Variants in LHX9 observed in about 807,000 individuals in gnomAD.
LHX9 encodes the protein LIM homeobox 9.
LHX9 carries 9 observed loss-of-function variants against 36.5 expected under a neutral mutation model. The ratio of observed to expected loss-of-function variants is 0.25; its 90% confidence interval spans 0.15 to 0.43. LHX9 has a LOEUF of 0.43. Among genes scored for constraint, LHX9 ranks in the 20% least tolerant of loss-of-function variants. LHX9 has a pLI of 1.00. For synonymous variants in LHX9, 211 were observed against 212.1 expected (o/e 0.99, Z 0.04); for missense variants, 464 against 526.4 (o/e 0.88, Z 1.16).
chr1:197,926,268 G>A (rs547747791), intron 3 of LHX9, among the ~76,000 whole-genome samples: 1 of 144,254 alleles, frequency 6.9e-6, no homozygotes, highest in South Asian at 2.4e-4. Flanking sequence ...ATTAAGGGAT[G>A]CCTCCCTTTT....
At chr1:197,918,947 A>G (rs1659878782) in intron 1 of LHX9, among the ~76,000 whole-genome samples, 1 of 152,112 alleles carries the variant, frequency 6.6e-6, no homozygotes, top group South Asian at 2.1e-4. Context: ...CCGGCCAAGT[A>G]GCCCAACTGG....
intron 1 of LHX9, 151 bp downstream of exon 1, chr1:197,918,148 C>A (rs1162199650): frequency 6.1e-6 from 5 of 814,756 alleles, no homozygotes; most frequent in African/African-American, 5.2e-5. Flanking sequence ...TCCACCTATG[C>A]CTACAGGGCT....
upstream of LHX9, among the ~76,000 whole-genome samples, chr1:197,915,123 G>T (rs1470385459): frequency 6.6e-6 from 1 of 152,206 alleles, no homozygotes; most frequent in Non-Finnish European, 1.5e-5. Flanking sequence ...TGATTTTGCT[G>T]AGCAGGGGCA....
rs564209717 is a variant in LHX9, at chr1:197,921,693, C to A, written c.733+34C>A. The A allele has an allele frequency of 2.9e-5, 44 of 1,498,766 alleles. No individual in the cohort carries two copies. The highest frequency in any genetic ancestry group is 3.8e-5 in the Non-Finnish European group (43 of 1,122,952). 92.8% of individuals were successfully genotyped at this position (1,498,766 alleles called of 1,614,324 possible). On this transcript the variant is annotated intron_variant, in intron 3 of 4. Coordinates refer to ENST00000367387, the MANE Select transcript of LHX9 (RefSeq NM_020204.3). This position sits in a 1 kb window ranked among gnomAD's most constrained non-coding sequence, Gnocchi z 4.6. ...CCTATCCTCACCCCCGGCGCAGCCC[C>A]GGCCTCCCTGAGGAAAATTCGTAGA...
intron 1 of LHX9, chr1:197,918,346 A>C (rs1330136469): frequency 1.7e-5 from 12 of 717,296 alleles, no homozygotes; most frequent in Admixed American, 6.0e-5. Context: ...CGCAGCTCCG[A>C]GGGCAAGCTG....
chr1:197,925,954 G>C (rs1190937496), intron 3 of LHX9, among the ~76,000 whole-genome samples: 1 of 152,174 alleles, frequency 6.6e-6, no homozygotes, highest in Non-Finnish European at 1.5e-5. Context: ...ATATGGTATA[G>C]TCAGTTCCCT....
Position 197,934,570 on chromosome 1 carries a change from C to G in LHX9, c.*5311C>G, listed in dbSNP as rs1660405735. 6.6e-6 allele frequency: 1 copy of G among 152,130 alleles called. No homozygotes were observed. Among genetic ancestry groups the G allele is most frequent in the South Asian group, 2.1e-4 (1 of 4,832 alleles). 9.4% of individuals were successfully genotyped at this position (152,130 alleles called of 1,614,324 possible). A position where few individuals can be genotyped will look rare whatever the true frequency, so the allele number is the denominator to read the frequency against. On this transcript the variant is annotated 3_prime_UTR_variant, in exon 5 of 5. Transcript: ENST00000367387. Reference sequence around the variant, plus strand: ...TTACATTTTGTAGTCTCTTCCACAACAGGGCAAAATAAGCACAGTAGGACT... The same window carrying G: ...TTACATTTTGTAGTCTCTTCCACAAGAGGGCAAAATAAGCACAGTAGGACT...
chr1:197,919,438 T>C (rs970099124), intron 1 of LHX9, among the ~76,000 whole-genome samples: 8 of 152,216 alleles, frequency 5.3e-5, no homozygotes, highest in Admixed American at 3.3e-4. Context: ...TATATCTCAA[T>C]CAAAACAAAG....
intron 3 of LHX9, among the ~76,000 whole-genome samples, chr1:197,924,889 T>TACTAAGAGTTACA (rs1571404863): frequency 1.9e-5 from 1 of 53,374 alleles, no homozygotes; most frequent in African/African-American, 7.6e-5. Context: ...TTAAGAGTTA[T>TACTAAGAGTTACA]CATTTCATCT....
In LHX9 at chr1:197,931,676, C is replaced by A; in HGVS notation, c.*2417C>A. ...GCAGTGTAATTCAACCTAGAAATAC[C>A]TTTGAATATATTTGCTTATAACAAA... On this transcript the variant is annotated 3_prime_UTR_variant, in exon 5 of 5. Coordinates refer to ENST00000367387, the MANE Select transcript of LHX9 (RefSeq NM_020204.3). The A allele has an allele frequency of 2.6e-6, 1 of 391,914 alleles. No homozygotes were observed. Among genetic ancestry groups the A allele is most frequent in the Non-Finnish European group, 4.6e-6 (1 of 216,372 alleles). 24.3% of individuals were successfully genotyped at this position (391,914 alleles called of 1,614,324 possible).
At chr1:197,913,459 A>C (rs1465611938), upstream of LHX9, among the ~76,000 whole-genome samples, 1 of 152,180 alleles carries the variant, frequency 6.6e-6, no homozygotes, top group African/African-American at 2.4e-5. Flanking sequence ...CTGAATCAGA[A>C]GTGCGCCCGT....
At chr1:197,918,135 C>T in intron 1 of LHX9, 138 bp downstream of exon 1, 1 of 904,818 alleles carries the variant, frequency 1.1e-6, no homozygotes, top group Admixed American at 2.6e-5. Flanking sequence ...GAGTTTTCTC[C>T]CGTCCACCTA....
upstream of LHX9, chr1:197,912,548 C>T (rs1243836082): frequency 1.7e-5 from 28 of 1,614,110 alleles, no homozygotes; most frequent in Admixed American, 4.3e-4. Flanking sequence ...AACGGTACCA[C>T]TCTAGAGGCA....
chr1:197,914,687 G>A (rs751427827), upstream of LHX9, among the ~76,000 whole-genome samples: 3 of 152,036 alleles, frequency 2.0e-5, no homozygotes, highest in Admixed American at 6.5e-5. Flanking sequence ...ACGTATTTCC[G>A]CAGAGCTAAC....
chr1:197,927,617 T>G lies in LHX9; in HGVS notation c.760T>G (p.Leu254Val), dbSNP rs777387547. 8 of 1,614,166 alleles carry G rather than the reference T, an allele frequency of 5.0e-6. No homozygotes were observed. In the East Asian group the frequency reaches 1.8e-4, roughly 36 times the overall value. Residue 254 changes from leucine to valine, a missense_variant, in exon 4 of 5, where the codon TTG becomes GTG. Leu to Val is a conservative substitution (Grantham distance 32, BLOSUM62 1). Coordinates refer to ENST00000367387, the MANE Select transcript of LHX9 (RefSeq NM_020204.3). ...SGCNENEADH[L>V]DRDQQPYPPS... ...TTGTAATGAGAATGAGGCAGACCAC[T>G]TGGACCGGGACCAGCAGCCTTATCC...
In LHX9 at chr1:197,929,637, A is replaced by T. The variant is rs1660270192; in HGVS notation, c.*378A>T. On this transcript the variant is annotated 3_prime_UTR_variant, in exon 5 of 5. Transcript: ENST00000367387. The stretch of plus-strand genomic sequence containing the variant: ...ATTATGGGCAAATAATCATATTCCC[A>T]CTTAAATGATTAGGTTAATAAAGAA... The T allele has an allele frequency of 1.1e-6, 1 of 911,774 alleles. No individual in the cohort carries two copies. Among genetic ancestry groups the T allele is most frequent in the South Asian group, 5.1e-5 (1 of 19,636 alleles). The allele number at this position is 911,774 out of a possible 1,614,324, so 56.5% of individuals were successfully genotyped here. A position where few individuals can be genotyped will look rare whatever the true frequency, so the allele number is the denominator to read the frequency against.
chr1:197,922,547 C>T (rs908041331), intron 3 of LHX9, among the ~76,000 whole-genome samples: 4 of 152,156 alleles, frequency 2.6e-5, no homozygotes, highest in East Asian at 1.9e-4. Context: ...GGATGGTGAT[C>T]GGCTCTGCAG....
In LHX9 at chr1:197,917,812, G is replaced by C; in HGVS notation, c.-12G>C. 1.2e-6 allele frequency: 2 copies of C among 1,614,064 alleles called. No homozygotes were observed. The highest frequency in any genetic ancestry group is 1.7e-6 in the Non-Finnish European group (2 of 1,179,946). On this transcript the variant is annotated 5_prime_UTR_variant, in exon 1 of 5. Transcript: ENST00000367387. ...TTCACTCGGATGAGCTGAAAGCCCC[G>C]GGCGTGTGTATATGGAAATAGTGGG...
intron 3 of LHX9, among the ~76,000 whole-genome samples, chr1:197,924,050 T>G (rs1362286210): frequency 6.6e-6 from 1 of 152,226 alleles, no homozygotes; most frequent in Admixed American, 6.5e-5. Flanking sequence ...TCTATGGGAA[T>G]TGGTTTGAAG....
Sources: allele counts gnomAD v4.1 joint callset (sites outside exome capture counted in the v4.1 genomes callset), GRCh38; gene constraint gnomAD v4.1.1; non-coding constraint Gnocchi (gnomAD v3.1); transcripts MANE v1.5; gene names NCBI Gene and HGNC (gene_info 2026-07-23, HGNC 2026-07-21).